DMD: variants seen among roughly 807,000 people sequenced by gnomAD.
DMD encodes the protein dystrophin.
Under a neutral mutation model 330.1 loss-of-function variants are expected in DMD, and 63 were observed. The observed-to-expected ratio is 0.19, with a 90% CI of 0.16 to 0.24. The LOEUF is 0.24. Ranked by LOEUF, DMD falls within the 10% of genes least tolerant of loss-of-function variation. DMD has a pLI of 1.00. For synonymous variants in DMD, 1,223 were observed against 959.8 expected (o/e 1.27, Z -5.07); for missense variants, 3,344 against 2,684.1 (o/e 1.25, Z -5.43).
At chrX:32,122,773 G>A (rs2096642372) in intron 44 of DMD, among the ~76,000 whole-genome samples, 1 of 110,904 alleles carries the variant, frequency 9.0e-6, no homozygotes. Context: ...CTCTTATCTA[G>A]ACAAATGAGG....
intron 2 of DMD, among the ~76,000 whole-genome samples, chrX:32,900,002 G>A (rs1274239071): frequency 3.6e-5 from 4 of 111,545 alleles, no homozygotes; most frequent in African/African-American, 1.3e-4. Context: ...GTGAACCACT[G>A]GGCTTTCTGA....
intron 17 of DMD, among the ~76,000 whole-genome samples, chrX:32,521,974 G>A (rs779382902): frequency 1.4e-4 from 16 of 111,694 alleles, no homozygotes; most frequent in Non-Finnish European, 2.3e-4. Context: ...CAGTGAGAGA[G>A]CACCAAGTAT....
intron 44 of DMD, among the ~76,000 whole-genome samples, chrX:32,064,835 T>C (rs975304382): frequency 2.7e-5 from 3 of 111,466 alleles, no homozygotes; most frequent in Non-Finnish European, 3.8e-5. Context: ...TTCAGGATAA[T>C]GGGGGAAAAT....
At chrX:33,319,274 A>C (rs1045395351) in intron 1 of DMD, among the ~76,000 whole-genome samples, 1 of 111,198 alleles carries the variant, frequency 9.0e-6, no homozygotes, top group African/African-American at 3.3e-5. Context: ...TTTTTATAGA[A>C]GCCCAAATGG....
At chrX:31,558,961 T>G (rs6628620) in intron 55 of DMD, among the ~76,000 whole-genome samples, 1 of 110,925 alleles carries the variant, frequency 9.0e-6, no homozygotes, top group Admixed American at 9.6e-5. Context: ...TTTAAAATAA[T>G]TTACAGGAGA....
intron 51 of DMD, among the ~76,000 whole-genome samples, chrX:31,747,541 G>A (rs975430635): frequency 9.0e-6 from 1 of 111,378 alleles, no homozygotes; most frequent in Non-Finnish European, 1.9e-5. Context: ...AGCACATGGT[G>A]CCAGTATATC....
At chrX:31,338,423 G>A (rs1349338774) in intron 61 of DMD, among the ~76,000 whole-genome samples, 1 of 108,927 alleles carries the variant, frequency 9.2e-6, no homozygotes, top group Admixed American at 9.8e-5. Flanking sequence ...CCAAGATCAC[G>A]CCATTGCACT....
chrX:32,673,674 G>A (rs926929990), intron 9 of DMD, among the ~76,000 whole-genome samples: 3 of 111,744 alleles, frequency 2.7e-5, no homozygotes, highest in Non-Finnish European at 5.7e-5. Context: ...CAAAGTAGAC[G>A]ATCCCTCCTA....
At chrX:32,491,908 T>C (rs1433801952) in intron 19 of DMD, among the ~76,000 whole-genome samples, 1 of 112,217 alleles carries the variant, frequency 8.9e-6, no homozygotes, top group East Asian at 2.8e-4. Context: ...ATTACTCAAA[T>C]ATACTTCCCC....
chrX:32,639,319 T>C (rs2059299028), intron 11 of DMD, among the ~76,000 whole-genome samples: 1 of 111,504 alleles, frequency 9.0e-6, no homozygotes, highest in Non-Finnish European at 1.9e-5. Flanking sequence ...AGTTGGAAGT[T>C]GTGTGTTTTT....
rs2045156043 is a variant in DMD at position 31,214,769 on chromosome X, TC to T, written c.9362-5071del. Among the ~76,000 whole-genome samples the T allele has an allele frequency of 3.1e-5, 3 of 96,856 alleles. No homozygotes were observed. The South Asian group carries it at 1.7e-3, about 55-fold the overall frequency. 84.1% of individuals were successfully genotyped at this position (96,856 alleles called of 115,157 possible). ...CATATCACTTTGCATCACTGTGAAA[TC>T]AAAAAATTGTTAAGTTGAAACTTCA... On this transcript the variant is annotated intron_variant, in intron 64 of 78. Transcript: ENST00000357033.
chrX:32,049,556 T>A (rs903325838), intron 44 of DMD, among the ~76,000 whole-genome samples: 3 of 111,499 alleles, frequency 2.7e-5, no homozygotes, highest in Non-Finnish European at 3.8e-5. Context: ...CCATTTTCTA[T>A]AAGCGAGCCC....
chrX:32,142,867 G>C (rs1426930496), intron 44 of DMD, among the ~76,000 whole-genome samples: 2 of 111,961 alleles, frequency 1.8e-5, no homozygotes, highest in East Asian at 5.6e-4. Context: ...AGAAATTACT[G>C]TCCATGGGAT....
intron 44 of DMD, among the ~76,000 whole-genome samples, chrX:32,032,573 C>A (rs1450578804): frequency 9.1e-6 from 1 of 110,066 alleles, no homozygotes; most frequent in Non-Finnish European, 1.9e-5. Flanking sequence ...AGTGTCACTG[C>A]CTCTGGGTTA....
intron 2 of DMD, among the ~76,000 whole-genome samples, chrX:32,879,504 T>A (rs2083701534): frequency 8.9e-6 from 1 of 112,462 alleles, no homozygotes. Context: ...TTAATATTTG[T>A]CTTTTTTAAT....
chrX:31,356,518 C>G (rs1380112172), intron 60 of DMD, among the ~76,000 whole-genome samples: 1 of 111,407 alleles, frequency 9.0e-6, no homozygotes, highest in African/African-American at 3.3e-5. Flanking sequence ...GGACTCCTAG[C>G]CTAGTGCCAG....
At chrX:32,988,776 C>T (rs900682754) in intron 2 of DMD, among the ~76,000 whole-genome samples, 1 of 111,276 alleles carries the variant, frequency 9.0e-6, no homozygotes, top group Non-Finnish European at 1.9e-5. Context: ...ATATCTCAAC[C>T]AATAGTTTTG....
At chrX:32,855,748 T>G in intron 2 of DMD, among the ~76,000 whole-genome samples, 1 of 111,933 alleles carries the variant, frequency 8.9e-6, no homozygotes, top group Non-Finnish European at 1.9e-5. Flanking sequence ...TCCAAGACAC[T>G]GGTCTAGGCA....
intron 1 of DMD, among the ~76,000 whole-genome samples, chrX:33,190,228 G>T (rs1457107692): frequency 9.3e-6 from 1 of 107,120 alleles, no homozygotes; most frequent in Non-Finnish European, 1.9e-5. Context: ...ACCCAGCCTA[G>T]GACAGGATTT....
Sources: gnomAD v4.1 joint callset for allele counts (sites outside exome capture counted in the v4.1 genomes callset) on GRCh38, gnomAD v4.1.1 for gene constraint, MANE v1.5 for transcripts, NCBI Gene and HGNC (gene_info 2026-07-23, HGNC 2026-07-21) for gene names.